PLG: variants seen among roughly 807,000 people sequenced by gnomAD.
PLG encodes plasmin.
A neutral mutation model predicts 104.4 loss-of-function variants in PLG; 41 were observed. The observed-to-expected ratio is 0.39, with a 90% CI of 0.31 to 0.51. PLG has a LOEUF of 0.51. Ranked by LOEUF, PLG falls within the 20% of genes least tolerant of loss-of-function variation. The pLI, the probability that PLG is intolerant of heterozygous loss-of-function variation, is 0.76. For missense variants in PLG, 891 were observed against 1,003.6 expected (o/e 0.89, Z 1.52); for synonymous variants, 337 against 357.1 (o/e 0.94, Z 0.63).
rs775335671 is a variant in PLG at position 160,718,770 on chromosome 6, G to T, written c.1028G>T (p.Arg343Leu). ...PWCHTTNSQV[R>L]WEYCKIPSCD... ...TGCCATACAACCAACAGCCAAGTGC[G>T]GTGGGAGTACTGTAAGATACCGTCC... The change falls in exon 9 of 19, where the codon CGG (arginine) becomes CTG (leucine). Residue 343 changes from arginine to leucine, a missense_variant. Coordinates refer to ENST00000308192, the MANE Select transcript of PLG (RefSeq NM_000301.5). 6.2e-7 allele frequency: 1 copy of T among 1,613,530 alleles called. No homozygotes were observed.
At position 160,741,268 on chromosome 6, in the gene PLG, C is replaced by T. The variant is rs377464568; in HGVS notation, c.2019-43C>T. ...TGACTGGTTGTGGGTACTGCAGCTG[C>T]GAGCAGAGCAGTCAAACATAACTGC... On this transcript the variant is annotated intron_variant, in intron 16 of 18. Coordinates refer to ENST00000308192, the MANE Select transcript of PLG (RefSeq NM_000301.5). The surrounding 1 kb of genome is among the most constrained non-coding windows in gnomAD (Gnocchi z 4.7). The T allele has an allele frequency of 1.1e-5, 14 of 1,320,520 alleles. No homozygotes were observed. The highest frequency in any genetic ancestry group is 6.7e-5 in the Admixed American group (4 of 59,572). 81.8% of individuals were successfully genotyped at this position (1,320,520 alleles called of 1,614,324 possible).
In PLG at chr6:160,734,074, A is replaced by G. The variant is rs769278141; in HGVS notation, c.1667A>G (p.Asp556Gly). 6.3e-7 allele frequency: 1 copy of G among 1,594,788 alleles called. No individual in the cohort carries two copies. Among genetic ancestry groups the G allele is most frequent in the South Asian group, 1.1e-5 (1 of 90,722 alleles). Residue 556 changes from aspartate (D) to glycine (G), a missense_variant, in exon 13 of 19, where the codon GAT (aspartate) becomes GGT (glycine). Transcript: ENST00000308192. This position sits in a 1 kb window ranked among gnomAD's most constrained non-coding sequence, Gnocchi z 4.4. ...TNPRKLYDYC[D>G]VPQCAAPSFD... ...CCAAGAAAACTTTACGACTACTGTGATGTCCCTCAGTGTGGTAGGTTGCCT... is the reference window on the plus strand; with the variant it reads ...CCAAGAAAACTTTACGACTACTGTGGTGTCCCTCAGTGTGGTAGGTTGCCT...
intron 10 of PLG, among the ~76,000 whole-genome samples, chr6:160,730,149 C>G (rs1281438384): frequency 6.6e-6 from 1 of 152,232 alleles, no homozygotes; most frequent in Admixed American, 6.5e-5. Flanking sequence ...GCACATTCTC[C>G]AAGATCCCCC....
intron 9 of PLG, among the ~76,000 whole-genome samples, chr6:160,720,405 C>CTTTTTTTTTTTTTTTTTTTTTT (rs1190930860): frequency 1.6e-5 from 1 of 61,826 alleles, no homozygotes; most frequent in African/African-American, 6.2e-5. Context: ...TTTTTCTTTT[C>CTTTTTTTTTTTTTTTTTTTTTT]TTTTCTTTTT....
chr6:160,753,439 C>G lies in PLG; in HGVS notation c.*378C>G. Reference sequence around the variant, plus strand: ...GGCTGCAAGGTCACAGAGGGGAGAGCCAAGAAGTTGTCCACGCATTTACCT... The same window carrying G: ...GGCTGCAAGGTCACAGAGGGGAGAGGCAAGAAGTTGTCCACGCATTTACCT... On this transcript the variant is annotated 3_prime_UTR_variant, in exon 19 of 19. Coordinates refer to ENST00000308192, the MANE Select transcript of PLG (RefSeq NM_000301.5). This position sits in a 1 kb window ranked among gnomAD's most constrained non-coding sequence, Gnocchi z 5.4. The G allele has an allele frequency of 2.9e-6, 1 of 348,578 alleles. No homozygotes were observed. Among genetic ancestry groups the G allele is most frequent in the Non-Finnish European group, 5.5e-6 (1 of 181,292 alleles). The allele number at this position is 348,578 out of a possible 1,614,324, so 21.6% of individuals were successfully genotyped here.
chr6:160,731,567 A>G lies in PLG; in HGVS notation c.1439-178A>G, dbSNP rs1308540130. 6.6e-6 allele frequency among the ~76,000 whole-genome samples: 1 copy of G among 152,174 alleles called. No individual in the cohort carries two copies. Among genetic ancestry groups the G allele is most frequent in the Non-Finnish European group, 1.5e-5 (1 of 68,038 alleles). ...ATGTGTGATTCTTTCCAAGCCAGTA[A>G]GCATCTCCAGTAATTTCTTAAGGTA... is the stretch of plus-strand genomic sequence containing the variant. On this transcript the variant is annotated intron_variant, in intron 11 of 18. Coordinates refer to ENST00000308192, the MANE Select transcript of PLG (RefSeq NM_000301.5). The surrounding 1 kb of genome is among the most constrained non-coding windows in gnomAD (Gnocchi z 5.1).
At chr6:160,707,612 G>A (rs1777553508) in intron 2 of PLG, 88 bp from the exon 3 acceptor site, 11 of 1,337,482 alleles carry the variant, frequency 8.2e-6, no homozygotes, top group Middle Eastern at 2.6e-4. Flanking sequence ...GATATTCAAT[G>A]ATCTTTAGCA....
chr6:160,709,006 A>G (rs2115153622), intron 3 of PLG, among the ~76,000 whole-genome samples: 1 of 152,018 alleles, frequency 6.6e-6, no homozygotes, highest in East Asian at 1.9e-4. Flanking sequence ...GATTCTCTCT[A>G]CAAAATGCTA....
intron 17 of PLG, among the ~76,000 whole-genome samples, chr6:160,746,022 T>C (rs1778271492): frequency 6.6e-6 from 1 of 152,224 alleles, no homozygotes; most frequent in African/African-American, 2.4e-5. Context: ...GTTCCCTTTG[T>C]AGACGACCTG....
chr6:160,719,576 C>T lies in PLG; in HGVS notation c.1096+738C>T, dbSNP rs1361804310. Reference sequence around the variant, plus strand: ...TCAAGTTAGTTATTTCTCTTTGTCCCATTTAAACTTTGTTCCTTTTTTCAT... The same window carrying T: ...TCAAGTTAGTTATTTCTCTTTGTCCTATTTAAACTTTGTTCCTTTTTTCAT... On this transcript the variant is annotated intron_variant, in intron 9 of 18. Coordinates refer to ENST00000308192, the MANE Select transcript of PLG (RefSeq NM_000301.5). The surrounding 1 kb of genome is among the most constrained non-coding windows in gnomAD (Gnocchi z 4.1). Among the ~76,000 whole-genome samples the T allele has an allele frequency of 6.6e-6, 1 of 152,134 alleles. No homozygotes were observed. The highest frequency in any genetic ancestry group is 1.5e-5 in the Non-Finnish European group (1 of 67,998).
chr6:160,738,351 T>G lies in PLG; in HGVS notation c.1803-187T>G. ...CGGAAAAATTGGCATAGATGGGCCCTTCTCAAAAATCCCACTCCTGGAGCA... is the reference window on the plus strand; with the variant it reads ...CGGAAAAATTGGCATAGATGGGCCCGTCTCAAAAATCCCACTCCTGGAGCA... On this transcript the variant is annotated intron_variant, in intron 14 of 18. Transcript: ENST00000308192. The surrounding 1 kb of genome is among the most constrained non-coding windows in gnomAD (Gnocchi z 6.8). 1.6e-6 allele frequency: 1 copy of G among 612,978 alleles called. No homozygotes were observed. Among genetic ancestry groups the G allele is most frequent in the Non-Finnish European group, 3.0e-6 (1 of 332,994 alleles). The allele number at this position is 612,978 out of a possible 1,614,324, so 38.0% of individuals were successfully genotyped here.
At position 160,739,110 on chromosome 6, in the gene PLG, C is replaced by A; in HGVS notation, c.1920C>A (p.His640Gln). 1 of 1,614,094 alleles carries A rather than the reference C, an allele frequency of 6.2e-7. No homozygotes were observed. The highest frequency in any genetic ancestry group is 8.5e-7 in the Non-Finnish European group (1 of 1,179,998). ...PSSYKVILGA[H>Q]QEVNLEPHVQ... is the part of the protein sequence containing the mutation. ...CCTACAAGGTCATCCTGGGTGCACA[C>A]CAAGAAGTGAATCTCGAACCGCATG... is the stretch of plus-strand genomic sequence containing the variant. The change falls in exon 16 of 19, where the codon CAC (histidine) becomes CAA (glutamine). Residue 640 changes from histidine to glutamine, a missense_variant. This residue lies in a region of PLG where 854 missense variants were observed against 932.1 expected (regional missense o/e 0.92). Coordinates refer to ENST00000308192, the MANE Select transcript of PLG (RefSeq NM_000301.5). This position sits in a 1 kb window ranked among gnomAD's most constrained non-coding sequence, Gnocchi z 4.4.
intron 6 of PLG, among the ~76,000 whole-genome samples, chr6:160,716,146 G>C (rs546598072): frequency 6.6e-6 from 1 of 152,354 alleles, no homozygotes; most frequent in South Asian, 2.1e-4. Context: ...TTAGGTACTA[G>C]ATGAGTATCT....
At position 160,724,237 on chromosome 6, in the gene PLG, T is replaced by C. The variant is rs1777889925; in HGVS notation, c.1256+1670T>C. On this transcript the variant is annotated intron_variant, in intron 10 of 18. Transcript: ENST00000308192. This position sits in a 1 kb window ranked among gnomAD's most constrained non-coding sequence, Gnocchi z 5.0. ...CAAGGATTTAAATAAAACATGAACA[T>C]GGAAGAAACAAATGGATAATATCAA... Among the ~76,000 whole-genome samples the C allele has an allele frequency of 1.3e-5, 2 of 151,966 alleles. No homozygotes were observed. Among genetic ancestry groups the C allele is most frequent in the African/African-American group, 4.8e-5 (2 of 41,388 alleles).
chr6:160,749,807 C>T (rs1354035969), intron 17 of PLG, among the ~76,000 whole-genome samples: 1 of 151,648 alleles, frequency 6.6e-6, no homozygotes, highest in East Asian at 1.9e-4. Flanking sequence ...ACCACCATCA[C>T]CGTCACCATC....
intron 3 of PLG, 116 bp from the exon 4 acceptor site, chr6:160,710,960 GA>G: frequency 1.1e-6 from 1 of 886,038 alleles, no homozygotes; most frequent in Non-Finnish European, 1.9e-6. Context: ...TGATCTTTTA[GA>G]AAGCAGAAAC....
chr6:160,731,646 G>A lies in PLG; in HGVS notation c.1439-99G>A. The stretch of plus-strand genomic sequence containing the variant: ...GCAGTTTCTGAGGAATGTGGCCCCT[G>A]ATTCTGTCATCCTAGAGAAACCTGA... On this transcript the variant is annotated intron_variant, in intron 11 of 18. Transcript: ENST00000308192. This position sits in a 1 kb window ranked among gnomAD's most constrained non-coding sequence, Gnocchi z 5.1. 2.5e-6 allele frequency: 3 copies of A among 1,192,256 alleles called. No individual in the cohort carries two copies. Among genetic ancestry groups the A allele is most frequent in the South Asian group, 2.4e-5 (2 of 82,170 alleles). The allele number at this position is 1,192,256 out of a possible 1,614,324, so 73.9% of individuals were successfully genotyped here.
At chr6:160,730,128 C>A (rs920839955) in intron 10 of PLG, among the ~76,000 whole-genome samples, 1 of 152,196 alleles carries the variant, frequency 6.6e-6, no homozygotes, top group Non-Finnish European at 1.5e-5. Context: ...TCTTGGGAGG[C>A]ATGAGGGGGA....
rs1777432703 is a variant in PLG at position 160,702,347 on chromosome 6, A to G, written c.43A>G (p.Lys15Glu). Residue 15 changes from lysine (K) to glutamate (E), a missense_variant, in exon 1 of 19, where the codon AAA becomes GAA. Coordinates refer to ENST00000308192, the MANE Select transcript of PLG (RefSeq NM_000301.5). ...GGTTCTTCTACTTCTTTTATTTCTG[A>G]AATCAGGTAAGACATAGTTTTTTTA... ...EVVLLLLLFL[K>E]SGQGEPLDDY... The G allele has an allele frequency of 6.2e-7, 1 of 1,607,384 alleles. No individual in the cohort carries two copies. The highest frequency in any genetic ancestry group is 8.5e-7 in the Non-Finnish European group (1 of 1,177,906).
Sources: gnomAD v4.1 joint callset for allele counts (sites outside exome capture counted in the v4.1 genomes callset) on GRCh38, gnomAD v4.1.1 for gene constraint, gnomAD v4.1.1 regional missense constraint, Gnocchi (gnomAD v3.1) non-coding constraint, MANE v1.5 for transcripts, NCBI Gene and HGNC (gene_info 2026-07-23, HGNC 2026-07-21) for gene names.